SLC7A14: variants seen among roughly 807,000 people sequenced by gnomAD.
SLC7A14 encodes the protein solute carrier family 7 member 14.
SLC7A14 carries 37 observed loss-of-function variants against 60.2 expected under a neutral mutation model. The ratio of observed to expected loss-of-function variants is 0.61; its 90% CI spans 0.47 to 0.81. SLC7A14 has a LOEUF of 0.81. Among genes scored for constraint, SLC7A14 ranks in the 30% least tolerant of loss-of-function variants. The pLI is 0.00. For missense variants in SLC7A14, 886 were observed against 982.7 expected (o/e 0.90, Z 1.32); for synonymous variants, 399 against 395.8 (o/e 1.01, Z -0.10).
rs556082887 is a variant in SLC7A14, at chr3:170,546,590, G to A, written c.-152-19502C>T. Among the ~76,000 whole-genome samples, 4 of 152,306 alleles carry A rather than the reference G, an allele frequency of 2.6e-5. No individual in the cohort carries two copies. The South Asian group carries it at 6.2e-4, about 24-fold the overall frequency. On this transcript the variant is annotated intron_variant, in intron 1 of 7. Coordinates refer to ENST00000231706, the MANE Select transcript of SLC7A14 (RefSeq NM_020949.3). ...ATAATTTCTCAAGATATGAAACCTAGCATTGTACTTTTAAACAGAAGTTCT... is the reference window on the plus strand; with the variant it reads ...ATAATTTCTCAAGATATGAAACCTAACATTGTACTTTTAAACAGAAGTTCT...
At chr3:170,490,463 T>A (rs1712182701) in intron 4 of SLC7A14, among the ~76,000 whole-genome samples, 1 of 152,160 alleles carries the variant, frequency 6.6e-6, no homozygotes, top group African/African-American at 2.4e-5. Flanking sequence ...AACAACCATA[T>A]AAATTTGGGC....
intron 1 of SLC7A14, among the ~76,000 whole-genome samples, chr3:170,558,988 T>C (rs1156392223): frequency 6.6e-6 from 1 of 152,210 alleles, no homozygotes; most frequent in Non-Finnish European, 1.5e-5. Context: ...TGCTGGTAAC[T>C]GCCTGGCCAA....
chr3:170,486,405 C>T (rs750867934), intron 4 of SLC7A14, 37 bp from the exon 5 acceptor site: 34 of 1,613,746 alleles, frequency 2.1e-5, no homozygotes, highest in Admixed American at 3.3e-5. Context: ...CTCAGAAGAT[C>T]GGGGTGGCAC....
intron 1 of SLC7A14, among the ~76,000 whole-genome samples, chr3:170,575,989 C>T (rs959139456): frequency 1.3e-5 from 2 of 152,236 alleles, no homozygotes; most frequent in Non-Finnish European, 2.9e-5. Context: ...TCAGCCTGCA[C>T]TTGTATCATT....
At chr3:170,550,541 GAC>G (rs1714318092) in intron 1 of SLC7A14, among the ~76,000 whole-genome samples, 1 of 33,308 alleles carries the variant, frequency 3.0e-5, no homozygotes, top group African/African-American at 2.2e-4. Flanking sequence ...TTTTTTTGGT[GAC>G]AGAGTTTCGC....
At chr3:170,566,947 T>C (rs1714807870) in intron 1 of SLC7A14, among the ~76,000 whole-genome samples, 1 of 152,146 alleles carries the variant, frequency 6.6e-6, no homozygotes, top group Non-Finnish European at 1.5e-5. Flanking sequence ...TTCTACAAGT[T>C]ACACCTTAAA....
chr3:170,548,118 C>CTTTGAAT (rs1714233955), intron 1 of SLC7A14, among the ~76,000 whole-genome samples: 1 of 152,120 alleles, frequency 6.6e-6, no homozygotes, highest in Non-Finnish European at 1.5e-5. Context: ...TTTCATCAAT[C>CTTTGAAT]TTGGTAATCT....
chr3:170,523,544 C>G (rs922279661), intron 2 of SLC7A14, among the ~76,000 whole-genome samples: 1 of 152,162 alleles, frequency 6.6e-6, no homozygotes, highest in Non-Finnish European at 1.5e-5. Context: ...AACCCCATTA[C>G]TTTTTTCTCC....
intron 2 of SLC7A14, among the ~76,000 whole-genome samples, chr3:170,510,397 A>AAAAT (rs1553869058): frequency 4.2e-5 from 6 of 143,980 alleles, no homozygotes; most frequent in African/African-American, 7.7e-5. Context: ...CAAAAAAAAA[A>AAAAT]AAATAAATAA....
chr3:170,574,297 A>G (rs925623581), intron 1 of SLC7A14, among the ~76,000 whole-genome samples: 1 of 152,244 alleles, frequency 6.6e-6, no homozygotes, highest in African/African-American at 2.4e-5. Context: ...CAGTAATGAA[A>G]TGCATCATGG....
At chr3:170,540,762 G>T (rs373400600) in intron 1 of SLC7A14, among the ~76,000 whole-genome samples, 17 of 152,162 alleles carry the variant, frequency 1.1e-4, no homozygotes, top group African/African-American at 3.9e-4. Flanking sequence ...GCCAGATGTT[G>T]TCTGGTGACT....
intron 1 of SLC7A14, among the ~76,000 whole-genome samples, chr3:170,551,762 G>T (rs538356652): frequency 6.6e-6 from 1 of 152,242 alleles, no homozygotes; most frequent in East Asian, 1.9e-4. Flanking sequence ...TGAGTCATAA[G>T]ATTCTTTATA....
At chr3:170,493,519 C>T (rs1712283980) in intron 4 of SLC7A14, among the ~76,000 whole-genome samples, 1 of 152,164 alleles carries the variant, frequency 6.6e-6, no homozygotes, top group South Asian at 2.1e-4. Context: ...GTGGGTTGGA[C>T]CTCTGTACTA....
chr3:170,495,654 C>T, intron 4 of SLC7A14: 1 of 839,662 alleles, frequency 1.2e-6, no homozygotes. Context: ...CAACCAGAGC[C>T]TGCTGAGCCC....
chr3:170,549,531 A>G (rs1055229721), intron 1 of SLC7A14, among the ~76,000 whole-genome samples: 11 of 152,112 alleles, frequency 7.2e-5, no homozygotes, highest in African/African-American at 2.7e-4. Flanking sequence ...TGGTGGGCCA[A>G]TCCCCTCTCT....
rs1025448254 is a variant in SLC7A14, at chr3:170,463,442, C to G, written c.*3613G>C. ...AAGGCCTTCTTCATATTTGACCCCC[C>G]ACAGCACATTACAAGTCCGTCATCT... On this transcript the variant is annotated 3_prime_UTR_variant, in exon 8 of 8. Transcript: ENST00000231706. The G allele has an allele frequency of 1.3e-5, 2 of 152,196 alleles. No individual in the cohort carries two copies. Among genetic ancestry groups the G allele is most frequent in the African/African-American group, 4.8e-5 (2 of 41,434 alleles). 9.4% of individuals were successfully genotyped at this position (152,196 alleles called of 1,614,324 possible).
At chr3:170,561,860 A>G (rs1714663579) in intron 1 of SLC7A14, among the ~76,000 whole-genome samples, 1 of 152,232 alleles carries the variant, frequency 6.6e-6, no homozygotes. Flanking sequence ...TCAAGAAAAG[A>G]TATACAAGTG....
At chr3:170,572,697 G>A (rs1021957329) in intron 1 of SLC7A14, among the ~76,000 whole-genome samples, 1 of 152,138 alleles carries the variant, frequency 6.6e-6, no homozygotes, top group Non-Finnish European at 1.5e-5. Flanking sequence ...TTTTTGTTTT[G>A]ATAGTTAAAT....
rs199942498 is a variant in SLC7A14, at chr3:170,480,767, G to A, written c.1515C>T (p.Asn505=). Residue 505 remains asparagine, a synonymous_variant, in exon 7 of 8, where the codon AAC becomes AAT. Transcript: ENST00000231706. ...LIGKSDKSTY[N]VNHPNYGTVD... ...CGGTGCCGTAATTGGGGTGGTTGAC[G>A]TTGTAGGTTGACTTGTCTGATTTCC... is the stretch of plus-strand genomic sequence containing the variant. The A allele has an allele frequency of 1.9e-5, 30 of 1,614,098 alleles. No homozygotes were observed. The Admixed American group carries it at 3.2e-4, about 17-fold the overall frequency.
Sources: gnomAD v4.1 joint callset for allele counts (sites outside exome capture counted in the v4.1 genomes callset) on GRCh38, gnomAD v4.1.1 for gene constraint, MANE v1.5 for transcripts, NCBI Gene and HGNC (gene_info 2026-07-23, HGNC 2026-07-21) for gene names.